The following HTRA1 variants were observed in gnomAD, a reference collection of about 807,000 sequenced individuals.
HTRA1 encodes serine protease HTRA1.
A neutral mutation model predicts 49.7 loss-of-function variants in HTRA1; 26 were observed. That is an observed-to-expected ratio of 0.52 (90% CI 0.38 to 0.73). The LOEUF is 0.73. Ranked by LOEUF, HTRA1 falls within the 30% of genes least tolerant of loss-of-function variation. The pLI, the probability that HTRA1 is intolerant of heterozygous loss-of-function variation, is 0.00. For missense variants in HTRA1, 561 were observed against 667.2 expected (o/e 0.84, Z 1.75); for synonymous variants, 291 against 286.9 (o/e 1.01, Z -0.14).
Position 122,489,546 on chromosome 10 carries a change from A to C in HTRA1, c.697A>C (p.Lys233Gln). Residue 233 changes from lysine to glutamine, a missense_variant, in exon 3 of 9, where the codon AAG becomes CAG. Physicochemically the swap from Lys to Gln is moderately conservative, Grantham distance 53. Transcript: ENST00000368984. ...CAAGCACCGGGTCAAAGTTGAGCTG[A>C]AGAACGGTGCCACTTACGAAGCCAA... ...TNKHRVKVEL[K>Q]NGATYEAKIK... The C allele has an allele frequency of 6.2e-7, 1 of 1,614,228 alleles. No homozygotes were observed. Among genetic ancestry groups the C allele is most frequent in the Non-Finnish European group, 8.5e-7 (1 of 1,180,030 alleles).
rs1401614620 is a variant in HTRA1, at chr10:122,496,225, GTTCTTTTTT to G, written c.777+6602_777+6610del. On this transcript the variant is annotated intron_variant, in intron 3 of 8. Coordinates refer to ENST00000368984, the MANE Select transcript of HTRA1 (RefSeq NM_002775.5). The stretch of plus-strand genomic sequence containing the variant: ...CCCTTTCGTTTGCCAGAGATTGTGG[GTTCTTTTTT>G]TTTTTTTTTTTTTTTTTTTTTTTTT... Among the ~76,000 whole-genome samples the G allele has an allele frequency of 1.5e-3, 122 of 80,400 alleles. 16 individuals carry two copies. Among genetic ancestry groups the G allele is most frequent in the East Asian group, 2.3e-3 (6 of 2,566 alleles). The allele number at this position is 80,400 out of a possible 152,430, so 52.7% of individuals were successfully genotyped here.
intron 1 of HTRA1, among the ~76,000 whole-genome samples, 193 bp from the exon 2 acceptor site, chr10:122,488,709 C>T (rs1199895329): frequency 6.6e-6 from 1 of 152,174 alleles, no homozygotes; most frequent in African/African-American, 2.4e-5. Context: ...GATTTTACTG[C>T]CTTACCTGGG....
chr10:122,507,012 T>C (rs1402935863), intron 4 of HTRA1, 127 bp downstream of exon 4: 1 of 865,512 alleles, frequency 1.2e-6, no homozygotes, highest in African/African-American at 1.7e-5. Context: ...GACCAAGCCA[T>C]GTGGATTCTA....
intron 1 of HTRA1, among the ~76,000 whole-genome samples, chr10:122,480,200 G>T (rs1044179822): frequency 2.6e-5 from 4 of 152,144 alleles, no homozygotes; most frequent in African/African-American, 9.7e-5. Context: ...GGGCATGGAG[G>T]CATTAACTTA....
At chr10:122,492,623 T>G (rs2097496407) in intron 3 of HTRA1, among the ~76,000 whole-genome samples, 1 of 152,194 alleles carries the variant, frequency 6.6e-6, no homozygotes, top group Admixed American at 6.5e-5. Flanking sequence ...TGTGAGCCAT[T>G]GCGCGTGGCT....
intron 1 of HTRA1, among the ~76,000 whole-genome samples, chr10:122,463,063 G>C (rs61470949): frequency 0.017 from 2,543 of 152,378 alleles, 55 homozygotes; most frequent in African/African-American, 0.058. Flanking sequence ...GTAGGAACCA[G>C]ACAGCGGGGC....
rs776517365 is a variant in HTRA1 at position 122,508,726 on chromosome 10, A to C, written c.1076A>C (p.Lys359Thr). Residue 359 changes from lysine (K) to threonine (T), a missense_variant, in exon 6 of 9, where the codon AAG becomes ACG. Lys to Thr is a moderately conservative substitution (Grantham distance 78). Coordinates refer to ENST00000368984, the MANE Select transcript of HTRA1 (RefSeq NM_002775.5). Reference sequence around the variant, plus strand: ...ATCTCCTTTGCAATCCCATCTGATAAGATTAAAAAGTTCCTCACGGAGTCC... The same window carrying C: ...ATCTCCTTTGCAATCCCATCTGATACGATTAAAAAGTTCCTCACGGAGTCC... Reference protein sequence around the residue: ...AGISFAIPSDKIKKFLTESHD... With the variant: ...AGISFAIPSDTIKKFLTESHD... 3 of 1,613,982 alleles carry C rather than the reference A, an allele frequency of 1.9e-6. No homozygotes were observed. In the East Asian group the frequency reaches 6.7e-5, roughly 36 times the overall value.
At chr10:122,503,034 T>G (rs1224398560) in intron 3 of HTRA1, among the ~76,000 whole-genome samples, 2 of 152,232 alleles carry the variant, frequency 1.3e-5, no homozygotes, top group African/African-American at 4.8e-5. Context: ...AGGGAGATGG[T>G]GAAGTGGCCA....
chr10:122,504,361 A>G (rs1009325), intron 3 of HTRA1, among the ~76,000 whole-genome samples: 125,312 of 152,138 alleles, frequency 0.82, 52,084 homozygotes, highest in Non-Finnish European at 0.89. Context: ...AGGAGGCGCC[A>G]AGGGGTGGTA....
At chr10:122,496,934 C>G (rs1307719666) in intron 3 of HTRA1, among the ~76,000 whole-genome samples, 1 of 152,198 alleles carries the variant, frequency 6.6e-6, no homozygotes, top group Non-Finnish European at 1.5e-5. Context: ...TACTCATACT[C>G]TGGAAAGCTC....
intron 3 of HTRA1, among the ~76,000 whole-genome samples, chr10:122,498,626 CT>C (rs2133444031): frequency 6.6e-6 from 1 of 152,238 alleles, no homozygotes; most frequent in South Asian, 2.1e-4. Context: ...TGGGCCATTG[CT>C]TTTCACAGTC....
At chr10:122,503,676 A>G (rs1368765591) in intron 3 of HTRA1, among the ~76,000 whole-genome samples, 3 of 152,050 alleles carry the variant, frequency 2.0e-5, no homozygotes, top group Non-Finnish European at 4.4e-5. Context: ...AAATGGGGGG[A>G]AAATATAGCT....
At chr10:122,503,831 C>G (rs76070370) in intron 3 of HTRA1, among the ~76,000 whole-genome samples, 2 of 152,282 alleles carry the variant, frequency 1.3e-5, no homozygotes, top group East Asian at 3.9e-4. Flanking sequence ...TAGGGTTGCC[C>G]TTCATGAGCT....
In HTRA1 at chr10:122,461,693, T is replaced by C. The variant is rs1458886363; in HGVS notation, c.41T>C (p.Leu14Pro). The change falls in exon 1 of 9, where the codon CTG becomes CCG. Residue 14 changes from leucine to proline, a missense_variant. This residue lies in a region of HTRA1 where 111 missense variants were observed against 83.7 expected (regional missense o/e 1.33). Transcript: ENST00000368984. ...PRAALLPLLL[L>P]LLAAPASAQL... ...GCCGCTCTTCTCCCGCTGCTGCTGCTGCTGCTGGCGGCGCCCGCCTCGGCG... is the reference window on the plus strand; with the variant it reads ...GCCGCTCTTCTCCCGCTGCTGCTGCCGCTGCTGGCGGCGCCCGCCTCGGCG... 3 of 1,306,466 alleles carry C rather than the reference T, an allele frequency of 2.3e-6. No homozygotes were observed. Among genetic ancestry groups the C allele is most frequent in the Non-Finnish European group, 3.0e-6 (3 of 1,012,320 alleles). 80.9% of individuals were successfully genotyped at this position (1,306,466 alleles called of 1,614,324 possible). A position where few individuals can be genotyped will look rare whatever the true frequency, so the allele number is the denominator to read the frequency against.
At chr10:122,497,702 C>T (rs1339266142) in intron 3 of HTRA1, among the ~76,000 whole-genome samples, 4 of 152,248 alleles carry the variant, frequency 2.6e-5, no homozygotes, top group Admixed American at 2.0e-4. Context: ...TGGCTAACCC[C>T]AGTTATTACC....
At chr10:122,485,174 A>G (rs2097492566) in intron 1 of HTRA1, among the ~76,000 whole-genome samples, 1 of 152,228 alleles carries the variant, frequency 6.6e-6, no homozygotes, top group African/African-American at 2.4e-5. Context: ...TTCTTCTTTC[A>G]GTTGACATTT....
intron 1 of HTRA1, among the ~76,000 whole-genome samples, chr10:122,478,352 C>T (rs980104174): frequency 4.6e-5 from 7 of 151,536 alleles, no homozygotes; most frequent in African/African-American, 1.2e-4. Flanking sequence ...GGGACTGTAT[C>T]AGCCCCCGCA....
chr10:122,501,932 A>C (rs1220403674), intron 3 of HTRA1, among the ~76,000 whole-genome samples: 1 of 141,244 alleles, frequency 7.1e-6, no homozygotes, highest in Admixed American at 7.1e-5. Context: ...GCCCTTGGAC[A>C]GATATCTACT....
chr10:122,462,889 A>C (rs570150568), intron 1 of HTRA1, among the ~76,000 whole-genome samples: 1 of 152,390 alleles, frequency 6.6e-6, no homozygotes, highest in South Asian at 2.1e-4. Context: ...CTACAGCCGC[A>C]CACAGGACCT....
Sources: allele counts gnomAD v4.1 joint callset (sites outside exome capture counted in the v4.1 genomes callset), GRCh38; gene constraint gnomAD v4.1.1; regional missense constraint gnomAD v4.1.1; transcripts MANE v1.5; gene names NCBI Gene and HGNC (gene_info 2026-07-23, HGNC 2026-07-21).